Variants in BIRC2 observed in about 807,000 individuals in gnomAD.
BIRC2 encodes baculoviral IAP repeat containing 2.
In BIRC2, 18 loss-of-function variants were observed where a neutral mutation model predicts 60.9. The ratio of observed to expected loss-of-function variants is 0.30; its 90% confidence interval spans 0.20 to 0.44. The LOEUF is 0.44. Ranked by LOEUF, BIRC2 falls within the 20% of genes least tolerant of loss-of-function variation. The pLI is 1.00. For synonymous variants in BIRC2, 282 were observed against 247.7 expected (o/e 1.14, Z -1.30); for missense variants, 701 against 728.5 (o/e 0.96, Z 0.43).
chr11:102,351,034 A>G, intron 3 of BIRC2, 91 bp downstream of exon 3: 1 of 1,167,336 alleles, frequency 8.6e-7, no homozygotes, highest in Non-Finnish European at 1.2e-6. Flanking sequence ...TTTAAATTAT[A>G]ACAAAGCCTC....
At chr11:102,367,775 T>C (rs1281038780) in intron 5 of BIRC2, among the ~76,000 whole-genome samples, 1 of 152,182 alleles carries the variant, frequency 6.6e-6, no homozygotes, top group East Asian at 1.9e-4. Context: ...ATCTTCTGGG[T>C]GAACTGATCT....
intron 6 of BIRC2, among the ~76,000 whole-genome samples, chr11:102,369,314 C>T (rs1425101573): frequency 9.0e-6 from 1 of 111,392 alleles, no homozygotes; most frequent in Admixed American, 9.9e-5. Context: ...TCCCTCCCCC[C>T]TCCCCCCACC....
intron 3 of BIRC2, among the ~76,000 whole-genome samples, chr11:102,356,195 CT>C (rs540599539): frequency 0.021 from 2,708 of 126,938 alleles, 18 homozygotes; most frequent in Middle Eastern, 0.029. Flanking sequence ...AAGCTGAAAG[CT>C]TTTTTTTTTT....
chr11:102,362,770 G>T, intron 3 of BIRC2, 126 bp from the exon 4 acceptor site: 1 of 657,018 alleles, frequency 1.5e-6, no homozygotes, highest in Non-Finnish European at 2.6e-6. Flanking sequence ...TATGTGTTCT[G>T]GGTTGTGACG....
intron 6 of BIRC2, among the ~76,000 whole-genome samples, chr11:102,374,899 C>T (rs77370340): frequency 6.6e-6 from 1 of 152,212 alleles, no homozygotes; most frequent in African/African-American, 2.4e-5. Context: ...GTCTGAAAAG[C>T]GCAATATTCG....
At chr11:102,354,215 TTTTA>T (rs1951394815) in intron 3 of BIRC2, among the ~76,000 whole-genome samples, 1 of 152,188 alleles carries the variant, frequency 6.6e-6, no homozygotes, top group African/African-American at 2.4e-5. Context: ...TTTTATTTTA[TTTTA>T]TTTATTTTGA....
chr11:102,350,972 A>G, intron 3 of BIRC2, 29 bp downstream of exon 3: 2 of 1,601,832 alleles, frequency 1.2e-6, no homozygotes, highest in Non-Finnish European at 1.7e-6. Flanking sequence ...GTATTTGTAC[A>G]AAAAACTCTG....
intron 6 of BIRC2, among the ~76,000 whole-genome samples, chr11:102,376,957 T>A (rs891081081): frequency 2.0e-5 from 3 of 152,080 alleles, no homozygotes; most frequent in Admixed American, 6.6e-5. Flanking sequence ...AACCCTACAA[T>A]ACTACAATAC....
At chr11:102,358,164 G>T (rs550099994) in intron 3 of BIRC2, among the ~76,000 whole-genome samples, 2 of 152,032 alleles carry the variant, frequency 1.3e-5, no homozygotes, top group Non-Finnish European at 2.9e-5. Flanking sequence ...CATGATCTAC[G>T]CTGGATAATT....
In BIRC2 at chr11:102,349,760, T is replaced by G; in HGVS notation, c.-95T>G. 2.4e-6 allele frequency: 3 copies of G among 1,245,378 alleles called. No individual in the cohort carries two copies. Among genetic ancestry groups the G allele is most frequent in the Non-Finnish European group, 3.4e-6 (3 of 892,844 alleles). 77.1% of individuals were successfully genotyped at this position (1,245,378 alleles called of 1,614,324 possible). A position where few individuals can be genotyped will look rare whatever the true frequency, so the allele number is the denominator to read the frequency against. On this transcript the variant is annotated 5_prime_UTR_variant, in exon 2 of 9. Transcript: ENST00000227758. ...AAGTGTAGTAAATTCTACATAAGAG[T>G]CTATCATTGATTTCTTTTTGTGGTA...
At position 102,349,607 on chromosome 11, in the gene BIRC2, A is replaced by G. The variant is rs1043944751; in HGVS notation, c.-248A>G. On this transcript the variant is annotated 5_prime_UTR_variant, in exon 2 of 9. Coordinates refer to ENST00000227758, the MANE Select transcript of BIRC2 (RefSeq NM_001166.5). ...AAGTTAGTATTACTCAAGATTATGA[A>G]CAAATAGCACTTAGGTTACCTGAAA... 10 of 359,144 alleles carry G rather than the reference A, an allele frequency of 2.8e-5. No homozygotes were observed. The highest frequency in any genetic ancestry group is 2.5e-4 in the Admixed American group (6 of 23,656). The allele number at this position is 359,144 out of a possible 1,614,324, so 22.2% of individuals were successfully genotyped here.
chr11:102,350,242 C>G lies in BIRC2; in HGVS notation c.388C>G (p.Pro130Ala), dbSNP rs769710384. The change falls in exon 2 of 9, where the codon CCA (proline) becomes GCA (alanine). Residue 130 changes from proline (P) to alanine (A), a missense_variant. By Grantham distance (27) the Pro-to-Ala change is conservative. This residue lies in a region of BIRC2 where 375 missense variants were observed against 365.9 expected (regional missense o/e 1.02). Coordinates refer to ENST00000227758, the MANE Select transcript of BIRC2 (RefSeq NM_001166.5). ...SLGSTSKNTS[P>A]MRNSFAHSLS... ...GGGATCCACCTCTAAGAATACGTCT[C>G]CAATGAGAAACAGTTTTGCACATTC... 1 of 1,614,216 alleles carries G rather than the reference C, an allele frequency of 6.2e-7. No individual in the cohort carries two copies. Among genetic ancestry groups the G allele is most frequent in the Admixed American group, 1.7e-5 (1 of 60,028 alleles).
At chr11:102,359,897 A>AT (rs142611857) in intron 3 of BIRC2, among the ~76,000 whole-genome samples, 8,172 of 144,556 alleles carry the variant, frequency 0.057, 288 homozygotes, top group Non-Finnish European at 0.084. Context: ...AGTTTTCAGC[A>AT]TTTTTTTTTT....
At chr11:102,367,797 A>G (rs1490392866) in intron 5 of BIRC2, among the ~76,000 whole-genome samples, 2 of 152,012 alleles carry the variant, frequency 1.3e-5, no homozygotes, top group Non-Finnish European at 2.9e-5. Context: ...CTATTTTACT[A>G]TACTTCCCAT....
Position 102,377,623 on chromosome 11 carries a change from A to G in BIRC2, c.1494A>G (p.Gln498=). 5.6e-6 allele frequency: 9 copies of G among 1,612,008 alleles called. No individual in the cohort carries two copies. The highest frequency in any genetic ancestry group is 7.6e-6 in the Non-Finnish European group (9 of 1,179,482). The change falls in exon 7 of 9, where the codon CAA becomes CAG. Residue 498 remains glutamine, a synonymous_variant. Transcript: ENST00000227758. The part of the protein sequence containing the change: ...INKQEHDIIK[Q]KTQIPLQARE... ...AACAGGAACATGATATTATTAAACA[A>G]AAAACACAGATACCTTTACAAGCGA...
At chr11:102,362,079 T>C (rs1005580535) in intron 3 of BIRC2, among the ~76,000 whole-genome samples, 1 of 152,184 alleles carries the variant, frequency 6.6e-6, no homozygotes, top group African/African-American at 2.4e-5. Context: ...AATTTATCAA[T>C]TTTATCTTTT....
intron 3 of BIRC2, among the ~76,000 whole-genome samples, chr11:102,353,229 T>C (rs142213026): frequency 1.1e-4 from 16 of 152,350 alleles, no homozygotes; most frequent in African/African-American, 3.8e-4. Context: ...TCAAAATCTT[T>C]ATTTTTGTAA....
At chr11:102,371,958 G>C (rs1270666821) in intron 6 of BIRC2, among the ~76,000 whole-genome samples, 1 of 152,138 alleles carries the variant, frequency 6.6e-6, no homozygotes, top group East Asian at 1.9e-4. Context: ...TTTGTGTAGA[G>C]GTGTTTGTAG....
intron 5 of BIRC2, among the ~76,000 whole-genome samples, chr11:102,364,277 T>C (rs962301617): frequency 6.0e-5 from 9 of 150,350 alleles, no homozygotes; most frequent in East Asian, 2.0e-4. Context: ...GCTATACTTA[T>C]CACTTTTAGT....
Sources: allele counts gnomAD v4.1 joint callset (sites outside exome capture counted in the v4.1 genomes callset), GRCh38; gene constraint gnomAD v4.1.1; regional missense constraint gnomAD v4.1.1; transcripts MANE v1.5; gene names NCBI Gene and HGNC (gene_info 2026-07-23, HGNC 2026-07-21).